The following SNRPA1 variants were observed in gnomAD, a reference collection of about 807,000 sequenced individuals.
SNRPA1 encodes the protein small nuclear ribonucleoprotein polypeptide A'.
In SNRPA1, 5 loss-of-function variants were observed where a neutral mutation model predicts 32.3. That is an observed-to-expected ratio of 0.15 (90% CI 0.08 to 0.33). The LOEUF (loss-of-function observed/expected upper bound fraction) is 0.33. Among genes scored for constraint, SNRPA1 ranks in the 10% least tolerant of loss-of-function variants. The pLI, the probability that SNRPA1 is intolerant of heterozygous loss-of-function variation, is 1.00. For synonymous variants in SNRPA1, 111 were observed against 120.1 expected (o/e 0.92, Z 0.50); for missense variants, 198 against 311.1 (o/e 0.64, Z 2.74).
intron 5 of SNRPA1, 69 bp downstream of exon 5, chr15:101,286,839 T>A: frequency 1.3e-6 from 1 of 764,434 alleles, no homozygotes; most frequent in South Asian, 1.7e-5. Context: ...ATTTTAATAA[T>A]CAGTAACAAA....
chr15:101,286,350 T>G, intron 5 of SNRPA1, 57 bp from the exon 6 acceptor site: 1 of 1,499,188 alleles, frequency 6.7e-7, no homozygotes, highest in Non-Finnish European at 9.3e-7. Context: ...TGCATTTAGA[T>G]GCATTCCTCA....
rs1421616242 is a variant in SNRPA1 at position 101,293,104 on chromosome 15, C to T, written c.151G>A (p.Asp51Asn). 1.9e-6 allele frequency: 3 copies of T among 1,611,716 alleles called. No homozygotes were observed. Among genetic ancestry groups the T allele is most frequent in the Non-Finnish European group, 2.5e-6 (3 of 1,178,350 alleles). ...CCATCCAGTTTCCTGATCTCATTGT[C>T]AGAAAAATCAATAGCATCAAACTGG... ...LDQFDAIDFS[D>N]NEIRKLDGFP... Residue 51 changes from aspartate (D) to asparagine (N), a missense_variant, in exon 2 of 9, where the codon GAC (aspartate) becomes AAC (asparagine). Transcript: ENST00000254193.
Position 101,290,574 on chromosome 15 carries a change from AT to A in SNRPA1, c.309+1387del, listed in dbSNP as rs58641401. On this transcript the variant is annotated intron_variant, in intron 3 of 8. Transcript: ENST00000254193. ...TTAAGTCACAAAATTAAGTTATACGATTTTTTTTTTTTTTTGAGATGAGGTC... is the reference window on the plus strand; with the variant it reads ...TTAAGTCACAAAATTAAGTTATACGATTTTTTTTTTTTTTGAGATGAGGTC... Among the ~76,000 whole-genome samples, 449 of 142,196 alleles carry A rather than the reference AT, an allele frequency of 3.2e-3. 2 individuals carry two copies. Among genetic ancestry groups the A allele is most frequent in the Middle Eastern group, 3.6e-3 (1 of 278 alleles). 93.3% of individuals were successfully genotyped at this position (142,196 alleles called of 152,430 possible).
At chr15:101,291,414 C>A (rs556883929) in intron 3 of SNRPA1, among the ~76,000 whole-genome samples, 70 of 152,198 alleles carry the variant, frequency 4.6e-4, no homozygotes, top group Non-Finnish European at 7.6e-4. Context: ...TTTCTAGTAG[C>A]CATGTTAAAA....
intron 1 of SNRPA1, chr15:101,294,890 G>A (rs1368356442): frequency 2.3e-6 from 1 of 435,492 alleles, no homozygotes; most frequent in South Asian, 4.5e-5. Flanking sequence ...GAGGCACGGC[G>A]CTAACAGAAG....
intron 1 of SNRPA1, 188 bp downstream of exon 1, chr15:101,294,909 G>A (rs905443715): frequency 8.8e-6 from 4 of 453,990 alleles, no homozygotes; most frequent in East Asian, 3.6e-5. Flanking sequence ...AGGCTCCCAG[G>A]AGCTTAACCG....
chr15:101,285,953 T>C (rs1467280299), intron 6 of SNRPA1, 152 bp from the exon 7 acceptor site: 7 of 645,914 alleles, frequency 1.1e-5, no homozygotes, highest in African/African-American at 9.2e-5. Context: ...AGAAACACCA[T>C]CCAGTTCATC....
At chr15:101,288,378 C>T (rs1422717603) in intron 3 of SNRPA1, 1 of 151,976 alleles carries the variant, frequency 6.6e-6, no homozygotes, top group South Asian at 2.1e-4. Flanking sequence ...TCCCAAGTAG[C>T]TGGGACTACA....
At chr15:101,282,157 T>G (rs138986748) in intron 8 of SNRPA1, among the ~76,000 whole-genome samples, 79 of 152,368 alleles carry the variant, frequency 5.2e-4, no homozygotes, top group Non-Finnish European at 1.0e-3. Flanking sequence ...TGCCATATAC[T>G]GGCAACAGTT....
rs1419067910 is a variant in SNRPA1 at position 101,285,185 on chromosome 15, T to G, written c.616-125A>C. ...TTCTCCATCAGGAACATTAAATACT[T>G]TGGTGTAGGGGGAAGAATGTTATTG... On this transcript the variant is annotated intron_variant, in intron 7 of 8. Coordinates refer to ENST00000254193, the MANE Select transcript of SNRPA1 (RefSeq NM_003090.4). 7.6e-6 allele frequency: 5 copies of G among 659,956 alleles called. No individual in the cohort carries two copies. The East Asian group carries it at 1.4e-4, about 18-fold the overall frequency. 40.9% of individuals were successfully genotyped at this position (659,956 alleles called of 1,614,324 possible). A position where few individuals can be genotyped will look rare whatever the true frequency, so the allele number is the denominator to read the frequency against.
chr15:101,286,586 G>A (rs2039457060), intron 5 of SNRPA1: 2 of 465,482 alleles, frequency 4.3e-6, no homozygotes, highest in Non-Finnish European at 7.6e-6. Context: ...CCTAACACAC[G>A]GAGCTGCACG....
chr15:101,285,960 C>T, intron 6 of SNRPA1, 159 bp from the exon 7 acceptor site: 1 of 641,302 alleles, frequency 1.6e-6, no homozygotes, highest in Non-Finnish European at 2.7e-6. Flanking sequence ...CCATCCAGTT[C>T]ATCTTCCTAT....
rs983375001 is a variant in SNRPA1 at position 101,292,190 on chromosome 15, T to C, written c.231-150A>G. 19 of 590,344 alleles carry C rather than the reference T, an allele frequency of 3.2e-5. No homozygotes were observed. In the East Asian group the frequency reaches 4.9e-4, roughly 15 times the overall value. 36.6% of individuals were successfully genotyped at this position (590,344 alleles called of 1,614,324 possible). On this transcript the variant is annotated intron_variant, in intron 2 of 8. Transcript: ENST00000254193. The stretch of plus-strand genomic sequence containing the variant: ...GGAAACAAAGCAAAAAGAACCCTTT[T>C]CTGAGGCCACAGGGTCAGCAACAGA...
intron 8 of SNRPA1, among the ~76,000 whole-genome samples, chr15:101,282,957 T>C (rs2039413446): frequency 6.6e-6 from 1 of 151,626 alleles, no homozygotes; most frequent in Non-Finnish European, 1.5e-5. Context: ...CACCAGTGCA[T>C]GGAGATAACC....
chr15:101,292,038 C>T lies in SNRPA1; in HGVS notation c.233G>A (p.Arg78His), dbSNP rs776784734. 10 of 1,604,894 alleles carry T rather than the reference C, an allele frequency of 6.2e-6. No homozygotes were observed. Among genetic ancestry groups the T allele is most frequent in the Admixed American group, 3.3e-5 (2 of 59,860 alleles). The change falls in exon 3 of 9, where the codon CGT becomes CAT. Residue 78 changes from arginine to histidine, a missense_variant and splice_region_variant. Physicochemically the swap from Arg to His is conservative, Grantham distance 29 (BLOSUM62 0). This residue lies in a region of SNRPA1 where 119 missense variants were observed against 171.6 expected (regional missense o/e 0.69). Coordinates refer to ENST00000254193, the MANE Select transcript of SNRPA1 (RefSeq NM_003090.4). ...AGCCTGATCAAGTCCCTCACCTATA[C>T]GGCTAAAATAAAAATAGAGTCTTAG... ...TLLVNNNRICRIGEGLDQALP... is the reference protein window; with the variant it reads ...TLLVNNNRICHIGEGLDQALP...
intron 1 of SNRPA1, 138 bp downstream of exon 1, chr15:101,294,959 G>A: frequency 1.9e-6 from 1 of 520,242 alleles, no homozygotes; most frequent in Admixed American, 4.2e-5. Flanking sequence ...CAGGCCCGGC[G>A]TTCCCTGCGC....
At chr15:101,285,923 A>AT in intron 6 of SNRPA1, 122 bp from the exon 7 acceptor site, 1 of 713,218 alleles carries the variant, frequency 1.4e-6, no homozygotes, top group Non-Finnish European at 2.4e-6. Context: ...TAACAAACTG[A>AT]TACAAGAACT....
intron 2 of SNRPA1, among the ~76,000 whole-genome samples, chr15:101,292,277 G>GA (rs773244415): frequency 2.0e-5 from 3 of 152,188 alleles, no homozygotes; most frequent in Non-Finnish European, 2.9e-5. Flanking sequence ...TGGAACCTGA[G>GA]AAAAGGTGCA....
In SNRPA1 at chr15:101,285,769, T is replaced by G. The variant is rs2039448301; in HGVS notation, c.572A>C (p.Lys191Thr). ...FNPGAGLPTD[K>T]KKGGPSPGDV... The stretch of plus-strand genomic sequence containing the variant: ...CCCTGGAGATGGCCCACCTTTCTTT[T>G]TGTCAGTTGGCAAACCAGCACCTGG... The change falls in exon 7 of 9, where the codon AAA becomes ACA. Residue 191 changes from lysine to threonine, a missense_variant. By Grantham distance (78) the Lys-to-Thr change is moderately conservative. This residue lies in a region of SNRPA1 where 77 missense variants were observed against 120.1 expected (regional missense o/e 0.64). Transcript: ENST00000254193. 1 of 1,613,812 alleles carries G rather than the reference T, an allele frequency of 6.2e-7. No individual in the cohort carries two copies. The highest frequency in any genetic ancestry group is 1.1e-5 in the South Asian group (1 of 91,062).
Sources: gnomAD v4.1 joint callset for allele counts (sites outside exome capture counted in the v4.1 genomes callset) on GRCh38, gnomAD v4.1.1 for gene constraint, gnomAD v4.1.1 regional missense constraint, MANE v1.5 for transcripts, NCBI Gene and HGNC (gene_info 2026-07-23, HGNC 2026-07-21) for gene names.